The following STK31 variants were observed in gnomAD, a reference collection of about 807,000 sequenced individuals.
STK31 encodes serine/threonine kinase 31.
STK31 carries 89 observed loss-of-function variants against 129.7 expected under a neutral mutation model. The observed-to-expected ratio is 0.69, with a 90% CI of 0.58 to 0.82. STK31 has a LOEUF of 0.82. Ranked by LOEUF, STK31 falls within the 40% of genes least tolerant of loss-of-function variation. STK31 has a pLI of 0.00. For synonymous variants in STK31, 448 were observed against 395.3 expected, an observed-to-expected ratio of 1.13 and a Z score of -1.58; for missense variants, 1,187 against 1,176.4, an observed-to-expected ratio of 1.01 and a Z score of -0.13.
intron 22 of STK31, among the ~76,000 whole-genome samples, chr7:23,814,485 A>G (rs1392187964): frequency 6.6e-6 from 1 of 152,062 alleles, no homozygotes; most frequent in East Asian, 1.9e-4. Context: ...CTATAATGAT[A>G]TGATTGTGTA....
Position 23,787,073 on chromosome 7 carries a change from T to C in STK31, c.2487+149T>C, listed in dbSNP as rs779352794. On this transcript the variant is annotated intron_variant, in intron 20 of 23. Transcript: ENST00000355870. ...CACCTCAAGCCTGTGATAGAAGTTA[T>C]CGTGTTATATAGATGAGAAAAAGCG... 8.7e-5 allele frequency: 62 copies of C among 711,310 alleles called. 1 individual carries two copies. Among genetic ancestry groups the C allele is most frequent in the Admixed American group, 8.3e-5 (3 of 36,264 alleles). 44.1% of individuals were successfully genotyped at this position (711,310 alleles called of 1,614,324 possible).
At chr7:23,824,388 G>T (rs1015986494) in intron 23 of STK31, among the ~76,000 whole-genome samples, 12 of 152,254 alleles carry the variant, frequency 7.9e-5, no homozygotes, top group Middle Eastern at 3.4e-3. Flanking sequence ...CTGATGATTT[G>T]ACTCTCTGTT....
chr7:23,819,934 C>A (rs1793704349), intron 23 of STK31, among the ~76,000 whole-genome samples: 1 of 152,218 alleles, frequency 6.6e-6, no homozygotes, highest in Admixed American at 6.5e-5. Context: ...CACTTAAAAA[C>A]CAAAACCAGA....
At chr7:23,784,931 C>T (rs1791171219) in intron 17 of STK31, among the ~76,000 whole-genome samples, 1 of 152,110 alleles carries the variant, frequency 6.6e-6, no homozygotes. Flanking sequence ...TAATCTTTCC[C>T]ATTTGATACC....
chr7:23,745,591 C>T (rs547603181), intron 8 of STK31, among the ~76,000 whole-genome samples: 13 of 152,296 alleles, frequency 8.5e-5, no homozygotes, highest in African/African-American at 2.4e-4. Context: ...CTTAGGGCAG[C>T]GGGGTCACTG....
At position 23,735,985 on chromosome 7, in the gene STK31, C is replaced by G. The variant is rs1266140508; in HGVS notation, c.842+89C>G. On this transcript the variant is annotated intron_variant, in intron 7 of 23. Coordinates refer to ENST00000355870, the MANE Select transcript of STK31 (RefSeq NM_031414.5). ...AGTTAAGGCTTATGCTTTTGGAATC[C>G]TTTACTGTGTCAGTGATTTTAAGGG... 6.4e-6 allele frequency: 7 copies of G among 1,091,986 alleles called. No homozygotes were observed. The Admixed American group carries it at 1.5e-4, about 23-fold the overall frequency. The allele number at this position is 1,091,986 out of a possible 1,614,324, so 67.6% of individuals were successfully genotyped here.
At chr7:23,754,138 A>C (rs1788901759) in intron 9 of STK31, among the ~76,000 whole-genome samples, 177 bp from the exon 10 acceptor site, 1 of 152,180 alleles carries the variant, frequency 6.6e-6, no homozygotes, top group Non-Finnish European at 1.5e-5. Context: ...CTGCATAAAA[A>C]TATGTGGACT....
chr7:23,782,829 T>C (rs1404911470), intron 16 of STK31, among the ~76,000 whole-genome samples: 4 of 152,188 alleles, frequency 2.6e-5, no homozygotes, highest in Admixed American at 6.5e-5. Flanking sequence ...ATAATGACAG[T>C]TTTATGCCTC....
At position 23,810,777 on chromosome 7, in the gene STK31, AT is replaced by A. The variant is rs1562623581; in HGVS notation, c.2761-4365del. ...TATAATATATAATATATAAATATAT[AT>A]TATATATAAATATATAAATATGTAT... On this transcript the variant is annotated intron_variant, in intron 22 of 23. Transcript: ENST00000355870. 2.5e-3 allele frequency among the ~76,000 whole-genome samples: 271 copies of A among 107,928 alleles called. 3 individuals carry two copies. Among genetic ancestry groups the A allele is most frequent in the African/African-American group, 0.012 (245 of 21,174 alleles). The allele number at this position is 107,928 out of a possible 152,430, so 70.8% of individuals were successfully genotyped here.
chr7:23,773,225 G>A (rs1790317795), intron 15 of STK31, among the ~76,000 whole-genome samples: 2 of 152,014 alleles, frequency 1.3e-5, no homozygotes, highest in Non-Finnish European at 2.9e-5. Context: ...CCCAGTGTGT[G>A]ATGTTCCCCT....
At chr7:23,710,640 A>G (rs1364549507) in intron 1 of STK31, 2 of 1,217,838 alleles carry the variant, frequency 1.6e-6, no homozygotes, top group Non-Finnish European at 2.1e-6. Flanking sequence ...AATCCCTTAT[A>G]AAATAAGTGT....
chr7:23,759,267 C>T (rs1789303801), intron 10 of STK31, among the ~76,000 whole-genome samples: 1 of 152,200 alleles, frequency 6.6e-6, no homozygotes, highest in Non-Finnish European at 1.5e-5. Context: ...ACTTAGCTCT[C>T]TATCAAGTGG....
chr7:23,717,851 G>T (rs1201456192), intron 4 of STK31, among the ~76,000 whole-genome samples: 1 of 152,164 alleles, frequency 6.6e-6, no homozygotes, highest in African/African-American at 2.4e-5. Flanking sequence ...TACTGTTATG[G>T]TTCTACTTGT....
At chr7:23,717,074 C>G (rs1786377841) in intron 3 of STK31, among the ~76,000 whole-genome samples, 1 of 132,202 alleles carries the variant, frequency 7.6e-6, no homozygotes, top group Non-Finnish European at 1.6e-5. Flanking sequence ...GATGGGATTA[C>G]AGGTGTGAGC....
chr7:23,736,276 T>C lies in STK31; in HGVS notation c.842+380T>C, dbSNP rs76821696. ...GAATATTTTAAAGAGTTTCAGGAAA[T>C]TGCCTTTACTTTTTTAATAAAAGTG... On this transcript the variant is annotated intron_variant, in intron 7 of 23. Coordinates refer to ENST00000355870, the MANE Select transcript of STK31 (RefSeq NM_031414.5). Among the ~76,000 whole-genome samples the C allele has an allele frequency of 9.1e-3, 1,386 of 152,328 alleles. 22 individuals are homozygous for C. Among genetic ancestry groups the C allele is most frequent in the African/African-American group, 0.03 (1,262 of 41,562 alleles).
chr7:23,812,126 G>T (rs567816229), intron 22 of STK31, among the ~76,000 whole-genome samples: 11 of 152,166 alleles, frequency 7.2e-5, no homozygotes, highest in African/African-American at 2.6e-4. Flanking sequence ...CTTTAAGATT[G>T]TGTCTAGTGA....
chr7:23,725,392 A>G (rs1044155525), intron 4 of STK31, among the ~76,000 whole-genome samples: 1 of 150,878 alleles, frequency 6.6e-6, no homozygotes, highest in Admixed American at 6.6e-5. Context: ...AAAAAAAAAA[A>G]AAAAAGCTAG....
In STK31 at chr7:23,762,826, A is replaced by T; in HGVS notation, c.1319A>T (p.Gln440Leu). 1 of 1,609,124 alleles carries T rather than the reference A, an allele frequency of 6.2e-7. No individual in the cohort carries two copies. Among genetic ancestry groups the T allele is most frequent in the South Asian group, 1.1e-5 (1 of 89,460 alleles). The change falls in exon 11 of 24, where the codon CAA becomes CTA. Residue 440 changes from glutamine (Q) to leucine (L), a missense_variant. Transcript: ENST00000355870. The part of the protein sequence containing the change: ...YVSEGNILIA[Q>L]RNEMQQKLYM... ...AGTGAAGGGAATATTTTGATTGCCCAAAGAAATGAAATGCAGCAGAAGCTG... is the reference window on the plus strand; with the variant it reads ...AGTGAAGGGAATATTTTGATTGCCCTAAGAAATGAAATGCAGCAGAAGCTG...
At chr7:23,790,334 T>C (rs1933841507) in intron 21 of STK31, among the ~76,000 whole-genome samples, 1 of 152,060 alleles carries the variant, frequency 6.6e-6, no homozygotes, top group Non-Finnish European at 1.5e-5. Flanking sequence ...AGCAAATAAA[T>C]AGGAGAGTGG....
Sources: gnomAD v4.1 joint callset for allele counts (sites outside exome capture counted in the v4.1 genomes callset) on GRCh38, gnomAD v4.1.1 for gene constraint, MANE v1.5 for transcripts, NCBI Gene and HGNC (gene_info 2026-07-23, HGNC 2026-07-21) for gene names.